Variants in CENPK observed in about 807,000 individuals in gnomAD.
CENPK encodes SoxLZ/Sox6-binding protein Solt.
Under a neutral mutation model 40.9 loss-of-function variants are expected in CENPK, and 46 were observed. That is an observed-to-expected ratio of 1.13 (90% CI 0.89 to 1.44). The LOEUF (loss-of-function observed/expected upper bound fraction) is 1.44. Among genes scored for constraint, CENPK ranks in the 40% most tolerant of loss-of-function variants. The probability of loss-of-function intolerance (pLI) is 0.00; values close to 1 mark genes in which losing one functional copy is unlikely to be tolerated. For missense variants in CENPK, 288 were observed against 303.5 expected, an observed-to-expected ratio of 0.95 and a Z score of 0.38; for synonymous variants, 107 against 104.4, an observed-to-expected ratio of 1.02 and a Z score of -0.15.
chr5:65,498,989 A>T, the CENPK span, among the ~76,000 whole-genome samples: 1 of 151,490 alleles, frequency 6.6e-6, no homozygotes. Context: ...TAATATTCCA[A>T]GATTCCTTCT....
the CENPK span, among the ~76,000 whole-genome samples, chr5:65,498,850 G>A: frequency 3.3e-5 from 5 of 151,778 alleles, no homozygotes; most frequent in African/African-American, 1.2e-4. Flanking sequence ...ACAGAGTCTC[G>A]CCATGTTGCC....
intron 5 of CENPK, among the ~76,000 whole-genome samples, chr5:65,544,554 AGG>A (rs1203493542): frequency 7.2e-5 from 11 of 152,230 alleles, no homozygotes; most frequent in African/African-American, 2.7e-4. Context: ...AATTGAACGC[AGG>A]GCCTCAAAGA....
intron 5 of CENPK, among the ~76,000 whole-genome samples, chr5:65,548,684 C>A (rs972968850): frequency 2.0e-5 from 3 of 152,118 alleles, no homozygotes; most frequent in African/African-American, 7.2e-5. Flanking sequence ...GTGTTCAAAG[C>A]ATCTTCACTG....
intron 1 of CENPK, 30 bp downstream of exon 1, chr5:65,563,068 T>G: frequency 2.3e-6 from 1 of 427,032 alleles, no homozygotes; most frequent in East Asian, 4.4e-5. Flanking sequence ...GATTCAACCG[T>G]TATATCAACC....
At chr5:65,554,746 A>C in intron 3 of CENPK, 51 bp downstream of exon 3, 2 of 944,658 alleles carry the variant, frequency 2.1e-6, no homozygotes, top group Non-Finnish European at 3.4e-6. Flanking sequence ...TTTATTATTG[A>C]AGTTGATTTA....
chr5:65,543,665 T>C (rs1748374849), intron 5 of CENPK, among the ~76,000 whole-genome samples: 1 of 152,202 alleles, frequency 6.6e-6, no homozygotes, highest in African/African-American at 2.4e-5. Context: ...GCCCTCTTGA[T>C]TGAACACTTT....
Position 65,529,212 on chromosome 5 carries a change from A to T in CENPK, c.289-13T>A. ...TCAGCTTTTGGAACTAGAATAAAATAATTCAAATTAATTGCTTGGTCTTTA... is the reference window on the plus strand; with the variant it reads ...TCAGCTTTTGGAACTAGAATAAAATTATTCAAATTAATTGCTTGGTCTTTA... On this transcript the variant is annotated splice_polypyrimidine_tract_variant and intron_variant, in intron 6 of 10. Transcript: ENST00000396679. 1.3e-6 allele frequency: 2 copies of T among 1,518,346 alleles called. No individual in the cohort carries two copies. Among genetic ancestry groups the T allele is most frequent in the Non-Finnish European group, 1.8e-6 (2 of 1,101,576 alleles). 94.1% of individuals were successfully genotyped at this position (1,518,346 alleles called of 1,614,324 possible). A position where few individuals can be genotyped will look rare whatever the true frequency, so the allele number is the denominator to read the frequency against.
chr5:65,533,827 G>A (rs564277976), intron 6 of CENPK, among the ~76,000 whole-genome samples: 12 of 152,118 alleles, frequency 7.9e-5, no homozygotes, highest in African/African-American at 2.4e-4. Flanking sequence ...CAGATCATGA[G>A]GTCAGGAGAT....
chr5:65,526,427 G>C (rs1483193758), intron 9 of CENPK, among the ~76,000 whole-genome samples: 1 of 152,058 alleles, frequency 6.6e-6, no homozygotes, highest in Non-Finnish European at 1.5e-5. Flanking sequence ...TTATAAATAA[G>C]GGAAGAATAA....
chr5:65,511,698 C>T, the CENPK span, among the ~76,000 whole-genome samples: 1 of 152,136 alleles, frequency 6.6e-6, no homozygotes, highest in African/African-American at 2.4e-5. Flanking sequence ...CTTACAGGAG[C>T]ACAAACCCTT....
At chr5:65,528,117 T>C (rs1268323324) in intron 9 of CENPK, among the ~76,000 whole-genome samples, 1 of 152,090 alleles carries the variant, frequency 6.6e-6, no homozygotes, top group African/African-American at 2.4e-5. Flanking sequence ...GGCACACACC[T>C]GTAGTCCCAG....
intron 5 of CENPK, among the ~76,000 whole-genome samples, chr5:65,550,049 T>C (rs12521534): frequency 0.41 from 61,738 of 151,572 alleles, 12,916 homozygotes; most frequent in East Asian, 0.65. Flanking sequence ...GCACCTGCAA[T>C]CCCAGCTACT....
At chr5:65,512,962 C>CTATCTATATAT (rs1400415308), downstream of CENPK, among the ~76,000 whole-genome samples, 30 of 152,122 alleles carry the variant, frequency 2.0e-4, no homozygotes, top group African/African-American at 6.8e-4. Context: ...TGCTTATTTG[C>CTATCTATATAT]TATCTATATA....
chr5:65,539,506 G>A (rs1256453689), intron 6 of CENPK, among the ~76,000 whole-genome samples: 1 of 152,140 alleles, frequency 6.6e-6, no homozygotes, highest in Non-Finnish European at 1.5e-5. Context: ...ACACAATAGG[G>A]TAAACATTAA....
At chr5:65,510,166 CAA>C in the CENPK span, among the ~76,000 whole-genome samples, 1 of 152,046 alleles carries the variant, frequency 6.6e-6, no homozygotes, top group East Asian at 1.9e-4. Context: ...AAAGTCATGT[CAA>C]AAGTCAAAAT....
the CENPK span, among the ~76,000 whole-genome samples, chr5:65,497,399 G>A: frequency 5.3e-5 from 8 of 152,058 alleles, no homozygotes; most frequent in East Asian, 1.9e-4. Context: ...AGTTCCTCAC[G>A]GGCTGTTAGA....
At chr5:65,497,646 C>T in the CENPK span, among the ~76,000 whole-genome samples, 1 of 152,230 alleles carries the variant, frequency 6.6e-6, no homozygotes, top group East Asian at 1.9e-4. Flanking sequence ...CCAGGGATAC[C>T]AGGAGGTGAA....
downstream of CENPK, among the ~76,000 whole-genome samples, chr5:65,515,580 T>C (rs1742801988): frequency 2.0e-5 from 3 of 152,246 alleles, no homozygotes; most frequent in South Asian, 4.1e-4. Context: ...CTTTGACCTA[T>C]GTGTTTAGAA....
Position 65,528,586 on chromosome 5 carries a change from A to G in CENPK, c.471-8T>C. 1 of 1,507,848 alleles carries G rather than the reference A, an allele frequency of 6.6e-7. No individual in the cohort carries two copies. 93.4% of individuals were successfully genotyped at this position (1,507,848 alleles called of 1,614,324 possible). A position where few individuals can be genotyped will look rare whatever the true frequency, so the allele number is the denominator to read the frequency against. On this transcript the variant is annotated splice_polypyrimidine_tract_variant and splice_region_variant and intron_variant, in intron 8 of 10. Transcript: ENST00000396679. Reference sequence around the variant, plus strand: ...TTCAGTTCATTAAAGATTCTAATAGATTAAAAAAATTAAGAGAAACATTTA... The same window carrying G: ...TTCAGTTCATTAAAGATTCTAATAGGTTAAAAAAATTAAGAGAAACATTTA...
Sources: gnomAD v4.1 joint callset for allele counts (sites outside exome capture counted in the v4.1 genomes callset) on GRCh38, gnomAD v4.1.1 for gene constraint, MANE v1.5 for transcripts, NCBI Gene and HGNC (gene_info 2026-07-23, HGNC 2026-07-21) for gene names.